The following ELAC2 variants were observed in gnomAD, a reference collection of about 807,000 sequenced individuals.
ELAC2 encodes the protein elaC ribonuclease Z 2, also known as zinc phosphodiesterase ELAC protein 2.
ELAC2 carries 92 observed loss-of-function variants against 105.2 expected under a neutral mutation model. The observed-to-expected ratio is 0.87, with a 90% confidence interval of 0.74 to 1.04. ELAC2 has a LOEUF of 1.04. ELAC2 is among the 50% of genes least tolerant of loss of function. The pLI, the probability that ELAC2 is intolerant of heterozygous loss-of-function variation, is 0.00. For missense variants in ELAC2, 1,099 were observed against 1,071.7 expected, an observed-to-expected ratio of 1.03 and a Z score of -0.36; for synonymous variants, 468 against 409.1, an observed-to-expected ratio of 1.14 and a Z score of -1.74.
intron 17 of ELAC2, 95 bp from the exon 18 acceptor site, chr17:12,996,073 C>G: frequency 7.5e-7 from 1 of 1,341,092 alleles, no homozygotes; most frequent in Non-Finnish European, 1.0e-6. Flanking sequence ...GAGTTGCCAG[C>G]CCGACGTCAC....
At chr17:13,004,903 A>G in intron 11 of ELAC2, 86 bp downstream of exon 11, 1 of 1,085,098 alleles carries the variant, frequency 9.2e-7, no homozygotes, top group Non-Finnish European at 1.4e-6. Context: ...TCTTCCCAGA[A>G]ACACAGCTCT....
rs149590221 is a variant in ELAC2, at chr17:13,002,855, C to T, written c.1080-276G>A. ...AGGGCATACAAATAGGGGACCCAAA[C>T]CCTGAGGAATGAAAGAGACAGCAGG... On this transcript the variant is annotated intron_variant, in intron 12 of 23. Coordinates refer to ENST00000338034, the MANE Select transcript of ELAC2 (RefSeq NM_018127.7). 1.4e-3 allele frequency: 706 copies of T among 500,486 alleles called. 6 individuals are homozygous for T. Among genetic ancestry groups the T allele is most frequent in the African/African-American group, 0.012 (631 of 51,752 alleles). 31.0% of individuals were successfully genotyped at this position (500,486 alleles called of 1,614,324 possible).
At chr17:13,012,822 T>C (rs764000356) in intron 6 of ELAC2, among the ~76,000 whole-genome samples, 1 of 152,152 alleles carries the variant, frequency 6.6e-6, no homozygotes, top group Non-Finnish European at 1.5e-5. Flanking sequence ...ACAACACTTC[T>C]TTTAGGTTGC....
chr17:12,998,426 T>A lies in ELAC2; in HGVS notation c.1506A>T (p.Thr502=). The change falls in exon 16 of 24, where the codon ACA becomes ACT. Residue 502 remains threonine, a synonymous_variant. Transcript: ENST00000338034. ...IPMKIRNVSA[T]LVNISPDTSL... ...AAGCAGCATACCTTATGTTGACAAGTGTGGCACTGACATTTCGAATCTTCA... is the reference window on the plus strand; with the variant it reads ...AAGCAGCATACCTTATGTTGACAAGAGTGGCACTGACATTTCGAATCTTCA... The A allele has an allele frequency of 6.2e-7, 1 of 1,614,130 alleles. No individual in the cohort carries two copies. Among genetic ancestry groups the A allele is most frequent in the East Asian group, 2.2e-5 (1 of 44,882 alleles).
At chr17:13,002,224 TG>T (rs762445244) in intron 14 of ELAC2, 49 bp downstream of exon 14, 1 of 1,597,576 alleles carries the variant, frequency 6.3e-7, no homozygotes, top group Non-Finnish European at 8.6e-7. Context: ...TTTACAGAAA[TG>T]TTTCCCAACT....
intron 12 of ELAC2, among the ~76,000 whole-genome samples, chr17:13,002,986 C>T (rs1380505420): frequency 2.0e-5 from 3 of 152,198 alleles, no homozygotes; most frequent in African/African-American, 7.2e-5. Flanking sequence ...TCAACTCATA[C>T]TCCTCCACCT....
intron 7 of ELAC2, among the ~76,000 whole-genome samples, chr17:13,011,310 A>G (rs1468168480): frequency 6.6e-6 from 1 of 152,234 alleles, no homozygotes; most frequent in East Asian, 1.9e-4. Context: ...TTGGCTTAGC[A>G]GTTATAGTTT....
chr17:13,002,084 C>T (rs921900227), intron 14 of ELAC2, among the ~76,000 whole-genome samples, 190 bp downstream of exon 14: 6 of 152,198 alleles, frequency 3.9e-5, no homozygotes, highest in African/African-American at 9.7e-5. Context: ...AATAAATTCA[C>T]GCTGGCACAC....
In ELAC2 at chr17:13,017,068, C is replaced by A. The variant is rs201510908; in HGVS notation, c.296+3G>T. 4 of 1,614,100 alleles carry A rather than the reference C, an allele frequency of 2.5e-6. No individual in the cohort carries two copies. Among genetic ancestry groups the A allele is most frequent in the Non-Finnish European group, 8.5e-7 (1 of 1,179,994 alleles). ...CCCCTCCGAAAGCAAGAGACTGACT[C>A]ACTTGTGCTCCTGCATGAGTCTCTG... On this transcript the variant is annotated splice_donor_region_variant and intron_variant, in intron 2 of 23. Transcript: ENST00000338034.
At chr17:13,003,351 G>A in intron 12 of ELAC2, 128 bp downstream of exon 12, 2 of 881,134 alleles carry the variant, frequency 2.3e-6, no homozygotes, top group South Asian at 1.3e-5. Context: ...GGGAAGGCAG[G>A]AATCCCACAG....
Position 13,002,513 on chromosome 17 carries a change from G to A in ELAC2, c.1146C>T (p.Ser382=). 6.2e-7 allele frequency: 1 copy of A among 1,605,808 alleles called. No individual in the cohort carries two copies. Among genetic ancestry groups the A allele is most frequent in the African/African-American group, 1.3e-5 (1 of 74,918 alleles). ...ENCASVHNLR[S]HKIQTQLNLI... ...GGTTGAGCTGGGTTTGAATCTTGTG[G>A]CTGCGAAGGTTGTGAACTGAGGCAC... The change falls in exon 13 of 24, where the codon AGC becomes AGT. Residue 382 remains serine (S), a synonymous_variant. Transcript: ENST00000338034.
intron 4 of ELAC2, among the ~76,000 whole-genome samples, chr17:13,015,411 A>G (rs1057258030): frequency 2.0e-5 from 3 of 152,222 alleles, no homozygotes; most frequent in Non-Finnish European, 1.5e-5. Context: ...GATGTCAGAA[A>G]TTTATTGAAT....
chr17:13,005,999 G>C lies in ELAC2; in HGVS notation c.739-20C>G, dbSNP rs769307893. On this transcript the variant is annotated intron_variant, in intron 8 of 23. Coordinates refer to ENST00000338034, the MANE Select transcript of ELAC2 (RefSeq NM_018127.7). ...GTGAAGCTGCAACAAAGAGAACATA[G>C]ATGTGATCTTAGGGGCTAATGAAGA... 2 of 1,612,858 alleles carry C rather than the reference G, an allele frequency of 1.2e-6. No individual in the cohort carries two copies. The highest frequency in any genetic ancestry group is 3.3e-5 in the Admixed American group (2 of 60,014).
At chr17:12,998,305 C>G in intron 16 of ELAC2, 107 bp downstream of exon 16, 1 of 1,084,810 alleles carries the variant, frequency 9.2e-7, no homozygotes, top group South Asian at 1.3e-5. Flanking sequence ...TGACAAGTGA[C>G]AGGGCTTGAT....
At position 12,992,652 on chromosome 17, in the gene ELAC2, A is replaced by C; in HGVS notation, c.*166T>G. On this transcript the variant is annotated 3_prime_UTR_variant, in exon 24 of 24. Transcript: ENST00000338034. The stretch of plus-strand genomic sequence containing the variant: ...CAGTCCTAAGAGGCATCTATAGACT[A>C]GTGCTTATGTGGGAGCCCAAGCCTC... The C allele has an allele frequency of 1.3e-6, 1 of 745,028 alleles. No individual in the cohort carries two copies. Among genetic ancestry groups the C allele is most frequent in the Non-Finnish European group, 2.2e-6 (1 of 451,534 alleles). 46.2% of individuals were successfully genotyped at this position (745,028 alleles called of 1,614,324 possible). A position where few individuals can be genotyped will look rare whatever the true frequency, so the allele number is the denominator to read the frequency against.
chr17:13,002,433 G>T lies in ELAC2; in HGVS notation c.1218+8C>A. On this transcript the variant is annotated splice_region_variant and intron_variant, in intron 13 of 23. Transcript: ENST00000338034. The stretch of plus-strand genomic sequence containing the variant: ...CTGGGCCGACAAGGGGCCGGTCTGA[G>T]ACACTACCTTACAGCGGAAACTGGT... 1.2e-6 allele frequency: 2 copies of T among 1,613,556 alleles called. No individual in the cohort carries two copies. Among genetic ancestry groups the T allele is most frequent in the Non-Finnish European group, 1.7e-6 (2 of 1,179,772 alleles).
intron 19 of ELAC2, 151 bp downstream of exon 19, chr17:12,995,552 A>G (rs1296949080): frequency 1.3e-6 from 1 of 742,838 alleles, no homozygotes; most frequent in Non-Finnish European, 2.3e-6. Flanking sequence ...CCTTCAGCCA[A>G]TGCACTTCTC....
At chr17:13,005,213 A>G (rs1199547088) in intron 10 of ELAC2, 112 bp from the exon 11 acceptor site, 5 of 814,026 alleles carry the variant, frequency 6.1e-6, no homozygotes, top group Middle Eastern at 2.8e-4. Context: ...CTGAGAGGTA[A>G]ACAAAGCACA....
chr17:12,993,083 G>A lies in ELAC2; in HGVS notation c.2254-38C>T, dbSNP rs1025606264. On this transcript the variant is annotated intron_variant, in intron 23 of 23. Coordinates refer to ENST00000338034, the MANE Select transcript of ELAC2 (RefSeq NM_018127.7). ...ATAGAAGACAAGGACATGTCTCAGA[G>A]GGGCAGGGGTGGGGGACAGGAGCTG... is the stretch of plus-strand genomic sequence containing the variant. The A allele has an allele frequency of 1.3e-5, 21 of 1,589,646 alleles. No homozygotes were observed. In the Admixed American group the frequency reaches 2.0e-4, roughly 15 times the overall value.
Sources: allele counts gnomAD v4.1 joint callset (sites outside exome capture counted in the v4.1 genomes callset), GRCh38; gene constraint gnomAD v4.1.1; transcripts MANE v1.5; gene names NCBI Gene and HGNC (gene_info 2026-07-23, HGNC 2026-07-21).